TTBK2: variants seen among roughly 807,000 people sequenced by gnomAD.
TTBK2 encodes tau-tubulin kinase 2.
TTBK2 carries 28 observed loss-of-function variants against 110.8 expected under a neutral mutation model. The ratio of observed to expected loss-of-function variants is 0.25; its 90% confidence interval spans 0.19 to 0.35. TTBK2 has a LOEUF of 0.35. Among genes scored for constraint, TTBK2 ranks in the 10% least tolerant of loss-of-function variants. The probability of loss-of-function intolerance (pLI) is 1.00; values close to 1 mark genes in which losing one functional copy is unlikely to be tolerated. For missense variants in TTBK2, 1,369 were observed against 1,500.3 expected, an observed-to-expected ratio of 0.91 and a Z score of 1.45; for synonymous variants, 532 against 527.3, an observed-to-expected ratio of 1.01 and a Z score of -0.12.
At chr15:42,804,029 A>AC (rs1891343821) in intron 9 of TTBK2, among the ~76,000 whole-genome samples, 1 of 150,326 alleles carries the variant, frequency 6.7e-6, no homozygotes, top group African/African-American at 2.5e-5. Context: ...AAAAAAAAAA[A>AC]AAGAGAGAGA....
intron 7 of TTBK2, among the ~76,000 whole-genome samples, chr15:42,812,181 G>A (rs539674857): frequency 1.3e-5 from 2 of 152,228 alleles, no homozygotes; most frequent in Admixed American, 1.3e-4. Context: ...CCAGGAAGGG[G>A]ACAGGCATAA....
At chr15:42,860,289 C>A (rs569855645) in intron 3 of TTBK2, among the ~76,000 whole-genome samples, 2 of 151,890 alleles carry the variant, frequency 1.3e-5, no homozygotes, top group South Asian at 4.2e-4. Flanking sequence ...AAACAAAAAA[C>A]CCCAAAAACC....
In TTBK2 at chr15:42,874,983, C is replaced by CA. The variant is rs1361761708; in HGVS notation, c.70-2226dup. Reference sequence around the variant, plus strand: ...CCTGGGCAACAGTGTGAGACTGCCTCAAAAAAAAAAAAAAATTGATACTTA... The same window carrying CA: ...CCTGGGCAACAGTGTGAGACTGCCTCAAAAAAAAAAAAAAAATTGATACTTA... On this transcript the variant is annotated intron_variant, in intron 2 of 14. Coordinates refer to ENST00000267890, the MANE Select transcript of TTBK2 (RefSeq NM_173500.4). Among the ~76,000 whole-genome samples the CA allele has an allele frequency of 3.1e-3, 388 of 124,032 alleles. 6 individuals are homozygous for CA. The highest frequency in any genetic ancestry group is 9.3e-3 in the Middle Eastern group (2 of 214). The allele number at this position is 124,032 out of a possible 152,430, so 81.4% of individuals were successfully genotyped here. A position where few individuals can be genotyped will look rare whatever the true frequency, so the allele number is the denominator to read the frequency against.
At chr15:42,758,856 T>C (rs536552088) in intron 13 of TTBK2, among the ~76,000 whole-genome samples, 2 of 152,208 alleles carry the variant, frequency 1.3e-5, no homozygotes, top group Non-Finnish European at 2.9e-5. Flanking sequence ...CCAACAGTCC[T>C]AGCGAGCCTG....
At chr15:42,784,272 A>C (rs1314433550) in intron 10 of TTBK2, among the ~76,000 whole-genome samples, 1 of 152,028 alleles carries the variant, frequency 6.6e-6, no homozygotes, top group Non-Finnish European at 1.5e-5. Context: ...TGTCAATTAT[A>C]ACAACATTTT....
chr15:42,763,178 A>ATG (rs1889155539), intron 13 of TTBK2, among the ~76,000 whole-genome samples: 3 of 17,170 alleles, frequency 1.7e-4, no homozygotes, highest in Non-Finnish European at 2.9e-4. Context: ...ATATATATAT[A>ATG]TATATATATA....
rs764555710 is a variant in TTBK2 at position 42,800,945 on chromosome 15, G to C, written c.823-6144C>G. On this transcript the variant is annotated intron_variant, in intron 9 of 14. Coordinates refer to ENST00000267890, the MANE Select transcript of TTBK2 (RefSeq NM_173500.4). ...TAGGCTCTGCGGCAGCCGCAGGAGG[G>C]ACAGGCTGGGAGGGGCTTCACTTGG... 4.1e-6 allele frequency: 3 copies of C among 731,378 alleles called. No homozygotes were observed. In the African/African-American group the frequency reaches 5.2e-5, roughly 13 times the overall value. The allele number at this position is 731,378 out of a possible 1,614,324, so 45.3% of individuals were successfully genotyped here.
intron 1 of TTBK2, among the ~76,000 whole-genome samples, chr15:42,899,250 A>G (rs932083659): frequency 6.6e-6 from 1 of 151,870 alleles, no homozygotes; most frequent in African/African-American, 2.4e-5. Context: ...TGCCTGCCTC[A>G]GACTCCCAAA....
At chr15:42,893,238 T>C (rs1438590703) in intron 1 of TTBK2, among the ~76,000 whole-genome samples, 1 of 152,042 alleles carries the variant, frequency 6.6e-6, no homozygotes, top group Non-Finnish European at 1.5e-5. Context: ...GACTTAGGCC[T>C]ATAATCCCAA....
intron 1 of TTBK2, among the ~76,000 whole-genome samples, chr15:42,911,535 G>T (rs1441845078): frequency 6.6e-6 from 1 of 152,200 alleles, no homozygotes; most frequent in Middle Eastern, 3.2e-3. Context: ...TAGCAAACAT[G>T]ACCCAGAACC....
In TTBK2 at chr15:42,829,986, A is replaced by G. The variant is rs1299764395; in HGVS notation, c.384T>C (p.Ser128=). ...TLRLGRQILE[S]IESIHSVGFL... Reference sequence around the variant, plus strand: ...ATCCCACAGAATGAATGCTTTCAATAGACTCCAAAATCTGTCTACCCAGCC... The same window carrying G: ...ATCCCACAGAATGAATGCTTTCAATGGACTCCAAAATCTGTCTACCCAGCC... The change falls in exon 5 of 15, where the codon TCT becomes TCC. Residue 128 remains serine (S), a synonymous_variant. Coordinates refer to ENST00000267890, the MANE Select transcript of TTBK2 (RefSeq NM_173500.4). 2 of 1,614,180 alleles carry G rather than the reference A, an allele frequency of 1.2e-6. No individual in the cohort carries two copies. The highest frequency in any genetic ancestry group is 1.7e-6 in the Non-Finnish European group (2 of 1,180,028).
rs573111387 is a variant in TTBK2 at position 42,887,806 on chromosome 15, C to T, written c.-67-9122G>A. 2.6e-5 allele frequency among the ~76,000 whole-genome samples: 4 copies of T among 152,268 alleles called. No homozygotes were observed. The South Asian group carries it at 8.3e-4, about 32-fold the overall frequency. On this transcript the variant is annotated intron_variant, in intron 1 of 14. Transcript: ENST00000267890. ...CACTTAGACTGACCCTGACACCCAT[C>T]AGGCTCAGCAAATTACCTGGGCTGT...
intron 9 of TTBK2, chr15:42,802,373 C>T (rs1156941760): frequency 6.6e-6 from 5 of 761,932 alleles, no homozygotes; most frequent in East Asian, 2.5e-5. Flanking sequence ...GAGGTGGACA[C>T]CTTGTAGGAC....
intron 1 of TTBK2, among the ~76,000 whole-genome samples, chr15:42,901,002 T>C (rs1018544210): frequency 2.6e-5 from 4 of 152,064 alleles, no homozygotes; most frequent in African/African-American, 9.7e-5. Context: ...TCCTACCTCA[T>C]ACCATATACA....
chr15:42,803,758 C>T (rs552862729), intron 9 of TTBK2, among the ~76,000 whole-genome samples: 13 of 152,128 alleles, frequency 8.5e-5, no homozygotes, highest in African/African-American at 2.4e-4. Context: ...AGGCAGGGTG[C>T]GGTGGCTCAC....
intron 2 of TTBK2, among the ~76,000 whole-genome samples, chr15:42,873,908 C>T (rs189439783): frequency 2.3e-3 from 354 of 152,242 alleles, no homozygotes; most frequent in Non-Finnish European, 3.0e-3. Context: ...TCAAGACACC[C>T]CAGCTCCATG....
intron 1 of TTBK2, among the ~76,000 whole-genome samples, chr15:42,908,665 T>C (rs1333787613): frequency 1.3e-5 from 2 of 152,214 alleles, no homozygotes. Context: ...AATCGTCCAG[T>C]GTACATGCCA....
intron 3 of TTBK2, among the ~76,000 whole-genome samples, chr15:42,840,929 C>CA (rs1323862144): frequency 2.0e-5 from 3 of 152,040 alleles, no homozygotes; most frequent in Non-Finnish European, 4.4e-5. Context: ...CTGAGAAACC[C>CA]AAAAATGTGC....
chr15:42,801,213 C>T (rs778492661), intron 9 of TTBK2: 1 of 1,547,648 alleles, frequency 6.5e-7, no homozygotes, highest in Non-Finnish European at 8.9e-7. Flanking sequence ...AGACTCCAGC[C>T]AGCTCTCCTC....
Sources: allele counts gnomAD v4.1 joint callset (sites outside exome capture counted in the v4.1 genomes callset), GRCh38; gene constraint gnomAD v4.1.1; transcripts MANE v1.5; gene names NCBI Gene and HGNC (gene_info 2026-07-23, HGNC 2026-07-21).